MAP3K3: variants seen among roughly 807,000 people sequenced by gnomAD.
The protein encoded by MAP3K3 is MAP/ERK kinase kinase 3.
In MAP3K3, 12 loss-of-function variants were observed where a neutral mutation model predicts 80.9. That is an observed-to-expected ratio of 0.15 (90% CI 0.10 to 0.24). The LOEUF (loss-of-function observed/expected upper bound fraction) is 0.24, where lower values mean the gene tolerates loss of function less well. MAP3K3 is among the 10% of genes least tolerant of loss of function. The pLI is 1.00. For missense variants in MAP3K3, 596 were observed against 834.7 expected (o/e 0.71, Z 3.52); for synonymous variants, 272 against 307.1 (o/e 0.89, Z 1.19).
chr17:63,688,948 G>A, intron 10 of MAP3K3, 67 bp downstream of exon 10: 1 of 1,222,454 alleles, frequency 8.2e-7, no homozygotes, highest in Non-Finnish European at 1.2e-6. Flanking sequence ...TGGGGAGGGT[G>A]GGTTCGTCCA....
At position 63,691,639 on chromosome 17, in the gene MAP3K3, TC is replaced by T; in HGVS notation, c.1345-93del. The T allele has an allele frequency of 6.6e-7, 1 of 1,517,136 alleles. No homozygotes were observed. The highest frequency in any genetic ancestry group is 2.0e-5 in the Admixed American group (1 of 51,134). 94.0% of individuals were successfully genotyped at this position (1,517,136 alleles called of 1,614,324 possible). On this transcript the variant is annotated intron_variant, in intron 13 of 15. Transcript: ENST00000361733. This position sits in a 1 kb window ranked among gnomAD's most constrained non-coding sequence, Gnocchi z 4.8. ...CCCAGCCAGATAGGAATTGAACAAA[TC>T]ACTCCTTTGCTGCCATGCTGGGGGC... is the stretch of plus-strand genomic sequence containing the variant.
chr17:63,669,152 A>G (rs557233612), intron 6 of MAP3K3, among the ~76,000 whole-genome samples: 75 of 152,224 alleles, frequency 4.9e-4, no homozygotes, highest in Middle Eastern at 6.8e-3. Flanking sequence ...AATGGGAGAG[A>G]TGATTTCTAA....
chr17:63,666,596 ACT>A (rs1232498101), intron 5 of MAP3K3, among the ~76,000 whole-genome samples: 1 of 151,356 alleles, frequency 6.6e-6, no homozygotes, highest in Non-Finnish European at 1.5e-5. Context: ...CTCTTCCTAA[ACT>A]CTCTGGAGAA....
At chr17:63,632,842 G>A in intron 2 of MAP3K3, 40 bp downstream of exon 2, 1 of 1,610,790 alleles carries the variant, frequency 6.2e-7, no homozygotes, top group Non-Finnish European at 8.5e-7. Flanking sequence ...GATTTGTTGG[G>A]GAGGGGTTTT....
chr17:63,633,899 T>A (rs572792618), intron 2 of MAP3K3, among the ~76,000 whole-genome samples: 1 of 152,362 alleles, frequency 6.6e-6, no homozygotes, highest in South Asian at 2.1e-4. Context: ...TTCTTCAGAA[T>A]TGGTTCCTAG....
chr17:63,689,554 A>G lies in MAP3K3; in HGVS notation c.882A>G (p.Thr294=), dbSNP rs758359143. Reference sequence around the variant, plus strand: ...CTTGCACCCTTTCAGGCAGAAGAACATTTCCCCGAATACGGCGTCATCAAG... The same window carrying G: ...CTTGCACCCTTTCAGGCAGAAGAACGTTTCCCCGAATACGGCGTCATCAAG... The part of the protein sequence containing the change: ...HHKDYSDGRR[T]FPRIRRHQGN... The change falls in exon 11 of 16, where the codon ACA becomes ACG. Residue 294 remains threonine, a synonymous_variant. Coordinates refer to ENST00000361733, the MANE Select transcript of MAP3K3 (RefSeq NM_002401.5). The surrounding 1 kb of genome is among the most constrained non-coding windows in gnomAD (Gnocchi z 4.3). The G allele has an allele frequency of 1.2e-6, 2 of 1,613,034 alleles. No individual in the cohort carries two copies. Among genetic ancestry groups the G allele is most frequent in the Non-Finnish European group, 1.7e-6 (2 of 1,179,480 alleles).
At chr17:63,627,968 T>C (rs1160414710) in intron 1 of MAP3K3, among the ~76,000 whole-genome samples, 1 of 150,678 alleles carries the variant, frequency 6.6e-6, no homozygotes, top group Non-Finnish European at 1.5e-5. Context: ...TGTGTTGGCA[T>C]AGTCTTGGCT....
rs1308661877 is a variant in MAP3K3, at chr17:63,695,046, C to T, written c.*1269C>T. ...CCAAAATGTGCCTATTGCTAGAGCT[C>T]CTCCCTCTCAACACCCAGTTTCCTT... On this transcript the variant is annotated 3_prime_UTR_variant, in exon 16 of 16. Transcript: ENST00000361733. This position sits in a 1 kb window ranked among gnomAD's most constrained non-coding sequence, Gnocchi z 4.1. 6.6e-6 allele frequency: 1 copy of T among 151,936 alleles called. No homozygotes were observed. Among genetic ancestry groups the T allele is most frequent in the African/African-American group, 2.4e-5 (1 of 41,084 alleles). 9.4% of individuals were successfully genotyped at this position (151,936 alleles called of 1,614,324 possible).
intron 6 of MAP3K3, among the ~76,000 whole-genome samples, chr17:63,671,052 G>GAACT (rs923835589): frequency 3.9e-5 from 6 of 152,250 alleles, no homozygotes; most frequent in African/African-American, 1.4e-4. Flanking sequence ...GCATGCAAGG[G>GAACT]AACTGCATTA....
rs766920130 is a variant in MAP3K3 at position 63,652,574 on chromosome 17, G to C, written c.185G>C (p.Arg62Pro). 1 of 1,613,214 alleles carries C rather than the reference G, an allele frequency of 6.2e-7. No individual in the cohort carries two copies. Among genetic ancestry groups the C allele is most frequent in the Admixed American group, 1.7e-5 (1 of 60,006 alleles). The change falls in exon 4 of 16, where the codon CGG becomes CCG. Residue 62 changes from arginine to proline, a missense_variant. Coordinates refer to ENST00000361733, the MANE Select transcript of MAP3K3 (RefSeq NM_002401.5). Reference sequence around the variant, plus strand: ...CTTTTCAGAATTATAGCGTTCAGCCGGCCTGTGAAATATGAAGATGTGGAG... The same window carrying C: ...CTTTTCAGAATTATAGCGTTCAGCCCGCCTGTGAAATATGAAGATGTGGAG... ...NGERRIIAFS[R>P]PVKYEDVEHK...
At chr17:63,653,748 T>C (rs553988954) in intron 4 of MAP3K3, among the ~76,000 whole-genome samples, 1 of 152,342 alleles carries the variant, frequency 6.6e-6, no homozygotes, top group South Asian at 2.1e-4. Flanking sequence ...TATTTATTTA[T>C]CTCTTTGTAA....
At chr17:63,656,801 T>C (rs923554430) in intron 4 of MAP3K3, among the ~76,000 whole-genome samples, 1 of 152,204 alleles carries the variant, frequency 6.6e-6, no homozygotes, top group Admixed American at 6.5e-5. Flanking sequence ...TAGTCTGTTC[T>C]CACGCTGCTG....
At chr17:63,680,392 T>A (rs1423100906) in intron 6 of MAP3K3, among the ~76,000 whole-genome samples, 1 of 152,228 alleles carries the variant, frequency 6.6e-6, no homozygotes, top group African/African-American at 2.4e-5. Flanking sequence ...GTCTTACGTT[T>A]AAGTTTTGAA....
chr17:63,679,741 G>A (rs2035292689), intron 6 of MAP3K3, among the ~76,000 whole-genome samples: 1 of 152,140 alleles, frequency 6.6e-6, no homozygotes, highest in South Asian at 2.1e-4. Flanking sequence ...CGAAGTGTCG[G>A]GATAATAGGT....
chr17:63,691,142 A>G lies in MAP3K3; in HGVS notation c.1253A>G (p.Asn418Ser). The change falls in exon 13 of 16, where the codon AAC (asparagine) becomes AGC (serine). Residue 418 changes from asparagine to serine, a missense_variant. Physicochemically the swap from Asn to Ser is conservative, Grantham distance 46. Around this residue, in one of 2 missense-constraint regions of MAP3K3, gnomAD observed 364 missense variants for 588.9 expected, o/e 0.62. Transcript: ENST00000361733. This position sits in a 1 kb window ranked among gnomAD's most constrained non-coding sequence, Gnocchi z 4.8. ...ALECEIQLLK[N>S]LQHERIVQYY... Reference sequence around the variant, plus strand: ...GAGTGCGAGATCCAGTTGCTAAAGAACTTGCAGCATGAGCGCATCGTGCAG... The same window carrying G: ...GAGTGCGAGATCCAGTTGCTAAAGAGCTTGCAGCATGAGCGCATCGTGCAG... 1 of 1,614,146 alleles carries G rather than the reference A, an allele frequency of 6.2e-7. No individual in the cohort carries two copies. The highest frequency in any genetic ancestry group is 8.5e-7 in the Non-Finnish European group (1 of 1,180,012).
At chr17:63,683,249 C>G (rs1318842632) in intron 7 of MAP3K3, among the ~76,000 whole-genome samples, 1 of 152,204 alleles carries the variant, frequency 6.6e-6, no homozygotes, top group Non-Finnish European at 1.5e-5. Flanking sequence ...TTGTACTCTT[C>G]TTCCTTCTAT....
At chr17:63,668,897 C>A (rs1361562204) in intron 6 of MAP3K3, among the ~76,000 whole-genome samples, 1 of 152,116 alleles carries the variant, frequency 6.6e-6, no homozygotes, top group Non-Finnish European at 1.5e-5. Flanking sequence ...GTGGCTGGAG[C>A]AGATTCCGCC....
intron 2 of MAP3K3, among the ~76,000 whole-genome samples, chr17:63,642,870 G>C (rs748765124): frequency 8.7e-4 from 132 of 151,794 alleles, no homozygotes; most frequent in Non-Finnish European, 1.2e-4. Context: ...CAATCCTCTT[G>C]CCTCAGCTTT....
chr17:63,632,699 A>G lies in MAP3K3; in HGVS notation c.23A>G (p.Asn8Ser), dbSNP rs1235611832. The G allele has an allele frequency of 2.5e-6, 4 of 1,613,704 alleles. No individual in the cohort carries two copies. Among genetic ancestry groups the G allele is most frequent in the Non-Finnish European group, 3.4e-6 (4 of 1,179,950 alleles). ...ATTGCAGACGAACAGGAGGCATTGA[A>G]CTCAATCATGAACGATCTGGTGGCC... is the stretch of plus-strand genomic sequence containing the variant. Reference protein sequence around the residue: MDEQEALNSIMNDLVALQ... With the variant: MDEQEALSSIMNDLVALQ... The change falls in exon 2 of 16, where the codon AAC (asparagine) becomes AGC (serine). Residue 8 changes from asparagine (N) to serine (S), a missense_variant. Around this residue, in one of 2 missense-constraint regions of MAP3K3, gnomAD observed 232 missense variants for 245.8 expected, o/e 0.94. Transcript: ENST00000361733.
Sources: gnomAD v4.1 joint callset for allele counts (sites outside exome capture counted in the v4.1 genomes callset) on GRCh38, gnomAD v4.1.1 for gene constraint, gnomAD v4.1.1 regional missense constraint, Gnocchi (gnomAD v3.1) non-coding constraint, MANE v1.5 for transcripts, NCBI Gene and HGNC (gene_info 2026-07-23, HGNC 2026-07-21) for gene names.